Variants in GNB5 observed in about 807,000 individuals in gnomAD.
The protein encoded by GNB5 is guanine nucleotide-binding protein subunit beta-5.
In GNB5, 37 loss-of-function variants were observed where a neutral mutation model predicts 55.3. That is an observed-to-expected ratio of 0.67 (90% confidence interval 0.51 to 0.88). The LOEUF is 0.88. Ranked by LOEUF, GNB5 falls within the 40% of genes least tolerant of loss-of-function variation. GNB5 has a pLI of 0.00. For synonymous variants in GNB5, 219 were observed against 198.5 expected (o/e 1.10, Z -0.87); for missense variants, 476 against 515.3 (o/e 0.92, Z 0.74).
At chr15:52,169,133 G>A (rs983563401) in intron 3 of GNB5, among the ~76,000 whole-genome samples, 2 of 152,188 alleles carry the variant, frequency 1.3e-5, no homozygotes, top group African/African-American at 2.4e-5. Flanking sequence ...AGACCAGCCT[G>A]GCCAACATGG....
At chr15:52,179,745 C>G (rs747760207) in intron 3 of GNB5, 23 bp downstream of exon 3, 10 of 1,420,064 alleles carry the variant, frequency 7.0e-6, no homozygotes, top group Non-Finnish European at 9.3e-7. Context: ...GCTTGCCCCG[C>G]CCGCCTCCCG....
At chr15:52,153,906 C>T in intron 4 of GNB5, 34 bp downstream of exon 4, 3 of 1,586,604 alleles carry the variant, frequency 1.9e-6, no homozygotes, top group Non-Finnish European at 2.6e-6. Context: ...AAATCCAAAA[C>T]CCGCTCACCT....
intron 1 of GNB5, among the ~76,000 whole-genome samples, 167 bp from the exon 2 acceptor site, chr15:52,184,861 A>G (rs1273639871): frequency 6.6e-6 from 1 of 152,254 alleles, no homozygotes; most frequent in African/African-American, 2.4e-5. Flanking sequence ...TGCTGGGTCA[A>G]TACAACTCAT....
At chr15:52,159,052 C>T (rs774839987) in intron 3 of GNB5, among the ~76,000 whole-genome samples, 35 of 152,130 alleles carry the variant, frequency 2.3e-4, no homozygotes, top group Non-Finnish European at 4.1e-4. Flanking sequence ...TAGGTGGGTA[C>T]GCTAAGCTGA....
At chr15:52,143,244 G>A (rs1286586788) in intron 6 of GNB5, among the ~76,000 whole-genome samples, 1 of 151,952 alleles carries the variant, frequency 6.6e-6, no homozygotes, top group Non-Finnish European at 1.5e-5. Context: ...GTGGACTATG[G>A]TCCTCCCTGA....
At chr15:52,185,974 T>C (rs56292520) in intron 1 of GNB5, among the ~76,000 whole-genome samples, 75,174 of 151,826 alleles carry the variant, frequency 0.5, 22,265 homozygotes, top group Non-Finnish European at 0.68. Context: ...AGGCAGGGTT[T>C]CACCATGTTG....
At position 52,121,401 on chromosome 15, in the gene GNB5, T is replaced by C. The variant is rs1268874744; in HGVS notation, c.*1356A>G. 2.6e-5 allele frequency: 4 copies of C among 152,098 alleles called. No homozygotes were observed. Among genetic ancestry groups the C allele is most frequent in the African/African-American group, 9.7e-5 (4 of 41,418 alleles). 9.4% of individuals were successfully genotyped at this position (152,098 alleles called of 1,614,324 possible). A position where few individuals can be genotyped will look rare whatever the true frequency, so the allele number is the denominator to read the frequency against. ...TTTTCTAAAGCAAAGAATAAGCATC[T>C]ACATCTTACAAAAAAACAAAAAAAG... On this transcript the variant is annotated 3_prime_UTR_variant, in exon 13 of 13. Transcript: ENST00000261837.
In GNB5 at chr15:52,141,155, G is replaced by A. The variant is rs147094121; in HGVS notation, c.612C>T (p.Thr204=). The A allele has an allele frequency of 5.6e-6, 9 of 1,613,924 alleles. No homozygotes were observed. The highest frequency in any genetic ancestry group is 1.3e-5 in the African/African-American group (1 of 74,898). Residue 204 remains threonine, a synonymous_variant, in exon 7 of 13, where the codon ACC becomes ACT. Transcript: ENST00000261837. ...GCCTATTTACCTGCATGTCAGAGTT[G>A]GTGAAGCTGCAGGCCGACAGGTAGT... The part of the protein sequence containing the change: ...HTNYLSACSF[T]NSDMQILTAS...
In GNB5 at chr15:52,180,135, C is replaced by A. The variant is rs1158424220; in HGVS notation, c.127-256G>T. The A allele has an allele frequency of 1.3e-5, 4 of 296,780 alleles. No homozygotes were observed. The East Asian group carries it at 2.6e-4, about 19-fold the overall frequency. 18.4% of individuals were successfully genotyped at this position (296,780 alleles called of 1,614,324 possible). The stretch of plus-strand genomic sequence containing the variant: ...TCCGGGAGAGGCAGGGAGTGTGACG[C>A]CCATTTTACCAGCGGGCAAACTGTG... On this transcript the variant is annotated intron_variant, in intron 2 of 12. Transcript: ENST00000261837.
At chr15:52,161,158 G>T (rs1276887064) in intron 3 of GNB5, among the ~76,000 whole-genome samples, 3 of 152,118 alleles carry the variant, frequency 2.0e-5, no homozygotes, top group Non-Finnish European at 2.9e-5. Context: ...CACATACTTG[G>T]ATCCCTAAGA....
chr15:52,131,101 C>T (rs1029952684), intron 9 of GNB5, among the ~76,000 whole-genome samples: 1 of 152,228 alleles, frequency 6.6e-6, no homozygotes, highest in Admixed American at 6.5e-5. Flanking sequence ...GCTGGGATTA[C>T]AGGCGTGAGC....
chr15:52,179,847 C>T lies in GNB5; in HGVS notation c.159G>A (p.Thr53=). ...CGGCCTCGCTCTTCAGCGACGCCAGCGTCTCGTTCTCGTGCAGCCCCTCGG... is the reference window on the plus strand; with the variant it reads ...CGGCCTCGCTCTTCAGCGACGCCAGTGTCTCGTTCTCGTGCAGCCCCTCGG... ...MATEGLHENE[T]LASLKSEAES... is the part of the protein sequence containing the mutation. The change falls in exon 3 of 13, where the codon ACG becomes ACA. Residue 53 remains threonine, a synonymous_variant. Coordinates refer to ENST00000261837, the MANE Select transcript of GNB5 (RefSeq NM_016194.4). 6.4e-7 allele frequency: 1 copy of T among 1,553,990 alleles called. No homozygotes were observed. Among genetic ancestry groups the T allele is most frequent in the Non-Finnish European group, 8.7e-7 (1 of 1,151,340 alleles).
chr15:52,145,987 C>T (rs143060220), intron 6 of GNB5, among the ~76,000 whole-genome samples: 2,701 of 135,192 alleles, frequency 0.02, 81 homozygotes, highest in African/African-American at 0.074. Context: ...GATGGAGTCT[C>T]GCTCTCTCCC....
chr15:52,173,847 G>A (rs1452389927), intron 3 of GNB5, among the ~76,000 whole-genome samples: 1 of 152,178 alleles, frequency 6.6e-6, no homozygotes, highest in South Asian at 2.1e-4. Flanking sequence ...TTTTGTGCTG[G>A]AAGACTGAAG....
chr15:52,153,870 G>C, intron 4 of GNB5, 70 bp downstream of exon 4: 1 of 1,359,156 alleles, frequency 7.4e-7, no homozygotes, highest in Non-Finnish European at 1.0e-6. Flanking sequence ...TTTGGAAAGG[G>C]ACAGCTCTCC....
chr15:52,155,447 T>C (rs769791760), intron 3 of GNB5, among the ~76,000 whole-genome samples: 10 of 152,194 alleles, frequency 6.6e-5, no homozygotes, highest in Non-Finnish European at 1.3e-4. Flanking sequence ...TGCTTCAGTG[T>C]GTATGTCCTA....
intron 6 of GNB5, chr15:52,144,259 T>G (rs751227803): frequency 1.3e-5 from 2 of 152,278 alleles, no homozygotes; most frequent in African/African-American, 2.4e-5. Context: ...TAAACTACTG[T>G]TGAAGACATT....
intron 3 of GNB5, among the ~76,000 whole-genome samples, chr15:52,178,865 G>A (rs1436369555): frequency 6.6e-6 from 1 of 152,232 alleles, no homozygotes; most frequent in South Asian, 2.1e-4. Context: ...ACGTCAAGGT[G>A]TGCAGGAGGG....
chr15:52,176,366 G>A (rs1005663011), intron 3 of GNB5, among the ~76,000 whole-genome samples: 5 of 152,202 alleles, frequency 3.3e-5, no homozygotes, highest in East Asian at 1.9e-4. Flanking sequence ...TCGCACAGAT[G>A]GGGATGATAC....
Sources: allele counts gnomAD v4.1 joint callset (sites outside exome capture counted in the v4.1 genomes callset), GRCh38; gene constraint gnomAD v4.1.1; transcripts MANE v1.5; gene names NCBI Gene and HGNC (gene_info 2026-07-23, HGNC 2026-07-21).